Variants in GLT8D2 observed in about 807,000 individuals in gnomAD.
The protein encoded by GLT8D2 is glycosyltransferase 8 domain containing 2.
GLT8D2 carries 45 observed loss-of-function variants against 44.5 expected under a neutral mutation model. The ratio of observed to expected loss-of-function variants is 1.01; its 90% CI spans 0.80 to 1.30. The LOEUF is 1.30. Ranked by LOEUF, GLT8D2 falls within the 50% of genes most tolerant of loss-of-function variation. The pLI, the probability that GLT8D2 is intolerant of heterozygous loss-of-function variation, is 0.00. For synonymous variants in GLT8D2, 156 were observed against 157.2 expected (o/e 0.99, Z 0.06); for missense variants, 400 against 430.4 (o/e 0.93, Z 0.62).
intron 3 of GLT8D2, among the ~76,000 whole-genome samples, chr12:104,016,775 G>GA (rs201617792): frequency 0.02 from 1,491 of 74,408 alleles, 23 homozygotes; most frequent in Non-Finnish European, 0.025. Flanking sequence ...AAGAAAGAAA[G>GA]AAGGAAGGAA....
chr12:104,028,105 A>T (rs1878801848), intron 1 of GLT8D2, among the ~76,000 whole-genome samples: 1 of 152,220 alleles, frequency 6.6e-6, no homozygotes, highest in Admixed American at 6.5e-5. Flanking sequence ...CTTTAAGATG[A>T]AACAAGAAGC....
chr12:104,053,861 G>A (rs1366091673), upstream of GLT8D2, among the ~76,000 whole-genome samples: 1 of 148,682 alleles, frequency 6.7e-6, no homozygotes, highest in Non-Finnish European at 1.5e-5. Flanking sequence ...TCCAGCCTGG[G>A]CAACAGAGCA....
At chr12:104,008,139 T>C (rs1249096800) in intron 4 of GLT8D2, among the ~76,000 whole-genome samples, 1 of 152,196 alleles carries the variant, frequency 6.6e-6, no homozygotes, top group Non-Finnish European at 1.5e-5. Flanking sequence ...ACTTTGGAAC[T>C]GGGTGACAAA....
intron 4 of GLT8D2, among the ~76,000 whole-genome samples, chr12:104,011,328 A>G (rs539827422): frequency 3.2e-4 from 48 of 152,374 alleles, no homozygotes; most frequent in Middle Eastern, 3.4e-3. Context: ...CAAAAATAGT[A>G]AACATCACAA....
intron 10 of GLT8D2, among the ~76,000 whole-genome samples, chr12:103,990,022 A>G (rs896107440): frequency 2.0e-5 from 3 of 148,676 alleles, no homozygotes; most frequent in African/African-American, 5.0e-5. Context: ...CTATCCTATT[A>G]TTAGCATAAA....
intron 3 of GLT8D2, among the ~76,000 whole-genome samples, chr12:104,016,811 GAA>G (rs1385694431): frequency 1.1e-4 from 12 of 112,238 alleles, no homozygotes; most frequent in Non-Finnish European, 1.7e-4. Flanking sequence ...AGGAAGGAAA[GAA>G]AGAAAGAGAA....
At chr12:103,996,664 A>G (rs1873458284) in intron 8 of GLT8D2, 71 bp downstream of exon 8, 1 of 1,082,662 alleles carries the variant, frequency 9.2e-7, no homozygotes, top group Non-Finnish European at 1.4e-6. Context: ...ACTCATTTTG[A>G]CTTGCAGAGG....
intron 5 of GLT8D2, among the ~76,000 whole-genome samples, chr12:104,001,279 G>T (rs1874182984): frequency 6.6e-6 from 1 of 152,150 alleles, no homozygotes; most frequent in African/African-American, 2.4e-5. Context: ...TTCTTCCATT[G>T]GTGGACATTT....
intron 1 of GLT8D2, among the ~76,000 whole-genome samples, chr12:104,055,492 G>A (rs1439961363): frequency 6.6e-6 from 1 of 152,174 alleles, no homozygotes; most frequent in Non-Finnish European, 1.5e-5. Context: ...TGCTATGTGA[G>A]GAAAATAAAC....
intron 4 of GLT8D2, among the ~76,000 whole-genome samples, chr12:104,005,024 CA>C (rs1230897261): frequency 6.6e-6 from 1 of 152,044 alleles, no homozygotes; most frequent in Non-Finnish European, 1.5e-5. Flanking sequence ...GTACTGGTAC[CA>C]AAACAGAGAT....
intron 1 of GLT8D2, among the ~76,000 whole-genome samples, chr12:104,039,894 C>T (rs1304154724): frequency 6.6e-6 from 1 of 152,216 alleles, no homozygotes; most frequent in African/African-American, 2.4e-5. Flanking sequence ...TTGGAACCAA[C>T]CCAAATGTCC....
intron 3 of GLT8D2, among the ~76,000 whole-genome samples, chr12:104,016,770 AGAAAGAAGGAAGGAAG>A (rs1269671748): frequency 4.9e-4 from 33 of 67,866 alleles, no homozygotes; most frequent in South Asian, 1.5e-3. Context: ...AAAGAAAGAA[AGAAAGAAGGAAGGAAG>A]GAAGGAAGGA....
chr12:104,005,597 G>A (rs1372656234), intron 4 of GLT8D2, among the ~76,000 whole-genome samples: 1 of 152,200 alleles, frequency 6.6e-6, no homozygotes, highest in African/African-American at 2.4e-5. Context: ...CTTCTCAAAA[G>A]AAGACATTTA....
At chr12:104,007,997 A>C (rs556890296) in intron 4 of GLT8D2, among the ~76,000 whole-genome samples, 11 of 152,218 alleles carry the variant, frequency 7.2e-5, no homozygotes, top group Non-Finnish European at 1.5e-4. Flanking sequence ...TGGAACTGTA[A>C]GTCCGATTAA....
intron 6 of GLT8D2, among the ~76,000 whole-genome samples, chr12:103,997,802 G>A (rs1324190783): frequency 2.6e-5 from 4 of 151,802 alleles, no homozygotes; most frequent in Admixed American, 1.3e-4. Flanking sequence ...TCATCTCTGC[G>A]AACTGCTGTA....
chr12:104,027,889 G>A (rs185082851), intron 1 of GLT8D2, among the ~76,000 whole-genome samples: 5 of 152,290 alleles, frequency 3.3e-5, no homozygotes, highest in Admixed American at 3.3e-4. Context: ...TACACCAGAG[G>A]TTAGGAGAAT....
At chr12:104,036,032 A>C (rs940555906) in intron 1 of GLT8D2, among the ~76,000 whole-genome samples, 1 of 152,222 alleles carries the variant, frequency 6.6e-6, no homozygotes, top group Non-Finnish European at 1.5e-5. Flanking sequence ...CTTAAAGAAA[A>C]GAATTTTCAA....
chr12:104,013,568 A>C (rs1876147264), intron 4 of GLT8D2, among the ~76,000 whole-genome samples: 1 of 152,206 alleles, frequency 6.6e-6, no homozygotes, highest in Non-Finnish European at 1.5e-5. Flanking sequence ...ATGTTCATTT[A>C]GATCAGATTA....
At chr12:104,003,830 C>T (rs1874580165) in intron 4 of GLT8D2, among the ~76,000 whole-genome samples, 1 of 152,136 alleles carries the variant, frequency 6.6e-6, no homozygotes, top group African/African-American at 2.4e-5. Context: ...GCTATTGAAA[C>T]CATACCCCCA....
Sources: gnomAD v4.1 joint callset for allele counts (sites outside exome capture counted in the v4.1 genomes callset) on GRCh38, gnomAD v4.1.1 for gene constraint, MANE v1.5 for transcripts, NCBI Gene and HGNC (gene_info 2026-07-23, HGNC 2026-07-21) for gene names.